KDM4B: variants seen among roughly 807,000 people sequenced by gnomAD.
KDM4B encodes the protein lysine demethylase 4B, also known as lysine-specific demethylase 4B.
In KDM4B, 32 loss-of-function variants were observed where a neutral mutation model predicts 125.2. The ratio of observed to expected loss-of-function variants is 0.26; its 90% CI spans 0.19 to 0.34. The LOEUF (loss-of-function observed/expected upper bound fraction) is 0.34. Among genes scored for constraint, KDM4B ranks in the 10% least tolerant of loss-of-function variants. The pLI, the probability that KDM4B is intolerant of heterozygous loss-of-function variation, is 1.00. For missense variants in KDM4B, 1,190 were observed against 1,577.7 expected (o/e 0.75, Z 4.16); for synonymous variants, 721 against 677.9 (o/e 1.06, Z -0.99).
intron 9 of KDM4B, among the ~76,000 whole-genome samples, chr19:5,094,686 A>G (rs1210752132): frequency 6.6e-6 from 1 of 152,102 alleles, no homozygotes. Flanking sequence ...TGGTGCTGGG[A>G]GCGCACAGAG....
intron 5 of KDM4B, among the ~76,000 whole-genome samples, chr19:5,045,665 G>C (rs2037002932): frequency 6.6e-6 from 1 of 152,124 alleles, no homozygotes; most frequent in African/African-American, 2.4e-5. Context: ...AGTAGCGATG[G>C]GGTTTCACCA....
rs372071583 is a variant in KDM4B, at chr19:5,065,032, G to A, written c.627-5978G>A. Reference sequence around the variant, plus strand: ...GCCTCGGGTTCCGAGGTCAGGTGCGGTGTGCTTTGGCCGTGGCAGGCGGGG... The same window carrying A: ...GCCTCGGGTTCCGAGGTCAGGTGCGATGTGCTTTGGCCGTGGCAGGCGGGG... On this transcript the variant is annotated intron_variant, in intron 6 of 22. Transcript: ENST00000159111. Among the ~76,000 whole-genome samples, 16 of 152,234 alleles carry A rather than the reference G, an allele frequency of 1.1e-4. No individual in the cohort carries two copies. In the East Asian group the frequency reaches 1.2e-3, roughly 11 times the overall value.
In KDM4B at chr19:5,104,480, A is replaced by G. The variant is rs189636001; in HGVS notation, c.919-6142A>G. Among the ~76,000 whole-genome samples the G allele has an allele frequency of 1.3e-3, 189 of 148,482 alleles. 2 individuals are homozygous for G. The highest frequency in any genetic ancestry group is 4.4e-3 in the African/African-American group (180 of 40,604). On this transcript the variant is annotated intron_variant, in intron 9 of 22. Coordinates refer to ENST00000159111, the MANE Select transcript of KDM4B (RefSeq NM_015015.3). ...TTGCAGAACCTAATCTAAGATCAGTACCTTTTTTTTTTTTTTCCAGCAACT... is the reference window on the plus strand; with the variant it reads ...TTGCAGAACCTAATCTAAGATCAGTGCCTTTTTTTTTTTTTTCCAGCAACT...
intron 1 of KDM4B, among the ~76,000 whole-genome samples, chr19:4,978,879 G>A (rs573828097): frequency 3.9e-4 from 60 of 152,328 alleles, no homozygotes; most frequent in Non-Finnish European, 7.1e-4. Context: ...CCAGCTCCGC[G>A]TGAGAGTTGT....
In KDM4B at chr19:5,142,927, G is replaced by C. The variant is rs2039771372; in HGVS notation, c.2551-1040G>C. 6.6e-6 allele frequency among the ~76,000 whole-genome samples: 1 copy of C among 152,110 alleles called. No individual in the cohort carries two copies. The highest frequency in any genetic ancestry group is 1.5e-5 in the Non-Finnish European group (1 of 68,020). ...GGGTGTGGCGGCCGCCAGGGCCCCG[G>C]TGCTGGCTCGGGCAGGTGTTGCAGC... On this transcript the variant is annotated intron_variant, in intron 18 of 22. Coordinates refer to ENST00000159111, the MANE Select transcript of KDM4B (RefSeq NM_015015.3). This position sits in a 1 kb window ranked among gnomAD's most constrained non-coding sequence, Gnocchi z 5.4.
At chr19:5,042,039 C>A (rs549028694) in intron 5 of KDM4B, among the ~76,000 whole-genome samples, 3 of 152,256 alleles carry the variant, frequency 2.0e-5, no homozygotes, top group Admixed American at 6.5e-5. Context: ...ACGCCCCCGA[C>A]ATGGAGCCAG....
rs142591171 is a variant in KDM4B, at chr19:5,032,911, C to T, written c.21C>T (p.Gly7=). MGSEDH[G]AQNPSCKIMT... ...CAGCCATGGGGTCTGAGGACCACGG[C>T]GCCCAGAACCCCAGCTGTAAAATCA... Residue 7 remains glycine, a synonymous_variant, in exon 3 of 23, where the codon GGC becomes GGT. Coordinates refer to ENST00000159111, the MANE Select transcript of KDM4B (RefSeq NM_015015.3). 16 of 1,614,046 alleles carry T rather than the reference C, an allele frequency of 9.9e-6. No individual in the cohort carries two copies. The highest frequency in any genetic ancestry group is 2.7e-5 in the African/African-American group (2 of 74,948).
rs1376009248 is a variant in KDM4B at position 5,119,806 on chromosome 19, G to A, written c.1269G>A (p.Glu423=). 3 of 1,543,776 alleles carry A rather than the reference G, an allele frequency of 1.9e-6. No individual in the cohort carries two copies. The highest frequency in any genetic ancestry group is 2.4e-5 in the East Asian group (1 of 40,908). ...GPEVDPEEEE[E]EPQPLPHGRE... The stretch of plus-strand genomic sequence containing the variant: ...AGGTTGACCCCGAGGAGGAGGAGGA[G>A]GAGCCGCAGCCACTGCCACACGGCC... Residue 423 remains glutamate (E), a synonymous_variant, in exon 11 of 23, where the codon GAG becomes GAA. Coordinates refer to ENST00000159111, the MANE Select transcript of KDM4B (RefSeq NM_015015.3).
intron 1 of KDM4B, among the ~76,000 whole-genome samples, chr19:4,988,899 C>T (rs2034937785): frequency 6.6e-6 from 1 of 152,214 alleles, no homozygotes; most frequent in Non-Finnish European, 1.5e-5. Flanking sequence ...TGCCCCTCCC[C>T]TCCCGTCCAG....
chr19:5,104,500 G>A (rs1306247737), intron 9 of KDM4B, among the ~76,000 whole-genome samples: 1 of 147,692 alleles, frequency 6.8e-6, no homozygotes, highest in Non-Finnish European at 1.5e-5. Flanking sequence ...TTTTTTTCCA[G>A]CAACTAAAAT....
chr19:5,062,393 G>C (rs992976561), intron 6 of KDM4B, among the ~76,000 whole-genome samples: 1 of 152,222 alleles, frequency 6.6e-6, no homozygotes, highest in Admixed American at 6.5e-5. Flanking sequence ...TGGCGACTAC[G>C]TGATGAGCTC....
chr19:5,120,359 A>G (rs956389762), intron 11 of KDM4B, among the ~76,000 whole-genome samples: 2 of 152,326 alleles, frequency 1.3e-5, no homozygotes, highest in Admixed American at 6.5e-5. Flanking sequence ...GATGCTGTAT[A>G]TGGCCCAGAT....
At chr19:5,051,877 CAG>C (rs1275827006) in intron 6 of KDM4B, among the ~76,000 whole-genome samples, 1 of 152,330 alleles carries the variant, frequency 6.6e-6, no homozygotes, top group South Asian at 2.1e-4. Context: ...GCTGTTTCCT[CAG>C]GGGATCGCTC....
chr19:5,143,456 C>CA (rs1696951165), intron 18 of KDM4B, among the ~76,000 whole-genome samples: 1 of 152,178 alleles, frequency 6.6e-6, no homozygotes, highest in South Asian at 2.1e-4. Context: ...GAATGGGCCC[C>CA]ATTACCAGTC....
intron 2 of KDM4B, among the ~76,000 whole-genome samples, chr19:5,028,847 C>T (rs578120593): frequency 3.9e-5 from 6 of 152,296 alleles, no homozygotes; most frequent in South Asian, 2.1e-4. Flanking sequence ...CACCTTTTCA[C>T]GTGCTTGTTG....
chr19:5,016,705 G>C (rs1386924744), intron 2 of KDM4B, among the ~76,000 whole-genome samples: 2 of 152,204 alleles, frequency 1.3e-5, no homozygotes, highest in African/African-American at 4.8e-5. Context: ...CTGAGCTCAA[G>C]GGGCGTTCCC....
chr19:5,152,095 T>C lies in KDM4B; in HGVS notation c.*584T>C, dbSNP rs1425413528. 1 of 140,510 alleles carries C rather than the reference T, an allele frequency of 7.1e-6. No individual in the cohort carries two copies. Among genetic ancestry groups the C allele is most frequent in the Non-Finnish European group, 1.5e-5 (1 of 65,124 alleles). The allele number at this position is 140,510 out of a possible 1,614,324, so 8.7% of individuals were successfully genotyped here. ...CAGGCAGGGAAAGAGACCCGGTAAT[T>C]GGAGGGTGAGCCTCGGGGGGGGGGC... On this transcript the variant is annotated 3_prime_UTR_variant, in exon 23 of 23. Coordinates refer to ENST00000159111, the MANE Select transcript of KDM4B (RefSeq NM_015015.3).
At chr19:5,037,816 C>T (rs904992747) in intron 3 of KDM4B, among the ~76,000 whole-genome samples, 1 of 152,240 alleles carries the variant, frequency 6.6e-6, no homozygotes. Context: ...ACAAGACCCC[C>T]CCTCAGTTGA....
chr19:5,102,926 A>G (rs549043903), intron 9 of KDM4B, among the ~76,000 whole-genome samples: 2 of 152,344 alleles, frequency 1.3e-5, no homozygotes, highest in South Asian at 4.1e-4. Flanking sequence ...ATTCCCATGA[A>G]AAGGTTAAAT....
Sources: gnomAD v4.1 joint callset for allele counts (sites outside exome capture counted in the v4.1 genomes callset) on GRCh38, gnomAD v4.1.1 for gene constraint, Gnocchi (gnomAD v3.1) non-coding constraint, MANE v1.5 for transcripts, NCBI Gene and HGNC (gene_info 2026-07-23, HGNC 2026-07-21) for gene names.